The following KLHL2 variants were observed in gnomAD, a reference collection of about 807,000 sequenced individuals.
KLHL2 encodes the protein kelch like family member 2.
KLHL2 carries 15 observed loss-of-function variants against 75.8 expected under a neutral mutation model. That is an observed-to-expected ratio of 0.20 (90% CI 0.13 to 0.30). The LOEUF is 0.30. KLHL2 is among the 10% of genes least tolerant of loss of function. The pLI, the probability that KLHL2 is intolerant of heterozygous loss-of-function variation, is 1.00. For synonymous variants in KLHL2, 214 were observed against 251.9 expected (o/e 0.85, Z 1.42); for missense variants, 381 against 741.0 (o/e 0.51, Z 5.64).
At chr4:165,231,620 T>A (rs1342283796) in intron 3 of KLHL2, among the ~76,000 whole-genome samples, 2 of 152,236 alleles carry the variant, frequency 1.3e-5, no homozygotes, top group Non-Finnish European at 2.9e-5. Flanking sequence ...TAAATAGCAT[T>A]CTCTGTGGAT....
chr4:165,256,608 C>T (rs1172263914), intron 4 of KLHL2, among the ~76,000 whole-genome samples: 7 of 152,148 alleles, frequency 4.6e-5, no homozygotes, highest in African/African-American at 1.4e-4. Flanking sequence ...CCCCTTAACC[C>T]TTGTTATATT....
At chr4:165,314,393 A>T (rs559651148) in intron 13 of KLHL2, among the ~76,000 whole-genome samples, 1 of 152,060 alleles carries the variant, frequency 6.6e-6, no homozygotes. Flanking sequence ...ACTTCAGTAA[A>T]CTCATCATTT....
intron 5 of KLHL2, among the ~76,000 whole-genome samples, chr4:165,276,262 G>A (rs1456080166): frequency 1.3e-5 from 2 of 152,212 alleles, no homozygotes; most frequent in Non-Finnish European, 1.5e-5. Context: ...ACCCAGGCCT[G>A]TTCAGGCACC....
At chr4:165,271,102 T>A (rs1742657032) in intron 5 of KLHL2, among the ~76,000 whole-genome samples, 1 of 152,188 alleles carries the variant, frequency 6.6e-6, no homozygotes, top group South Asian at 2.1e-4. Flanking sequence ...AGATTTGTTC[T>A]TTTTGCTTAG....
intron 14 of KLHL2, among the ~76,000 whole-genome samples, chr4:165,320,140 TG>T (rs111911589): frequency 0.25 from 38,558 of 152,098 alleles, 5,541 homozygotes; most frequent in Non-Finnish European, 0.34. Context: ...AAGTTTTTAA[TG>T]CAGACAAATG....
At chr4:165,223,286 A>C (rs372909943) in intron 2 of KLHL2, among the ~76,000 whole-genome samples, 2 of 152,234 alleles carry the variant, frequency 1.3e-5, no homozygotes, top group East Asian at 3.8e-4. Context: ...ATGCCCTCTG[A>C]GTGTCTAGAG....
In KLHL2 at chr4:165,207,773, G is replaced by C; in HGVS notation, c.-104G>C. ...GAGAGCGCGGCGCCCCCTCCGGGGC[G>C]GATGGAACGCGGCTCGGCGGGCGGG... On this transcript the variant is annotated 5_prime_UTR_variant, in exon 1 of 15. Transcript: ENST00000226725. This position sits in a 1 kb window ranked among gnomAD's most constrained non-coding sequence, Gnocchi z 4.2. 1 of 1,050,864 alleles carries C rather than the reference G, an allele frequency of 9.5e-7. No homozygotes were observed. Among genetic ancestry groups the C allele is most frequent in the Non-Finnish European group, 1.3e-6 (1 of 769,212 alleles). 65.1% of individuals were successfully genotyped at this position (1,050,864 alleles called of 1,614,324 possible). A position where few individuals can be genotyped will look rare whatever the true frequency, so the allele number is the denominator to read the frequency against.
rs1747021868 is a variant in KLHL2, at chr4:165,322,012, C to G, written c.1754-20C>G. 1.2e-6 allele frequency: 2 copies of G among 1,612,480 alleles called. No homozygotes were observed. Among genetic ancestry groups the G allele is most frequent in the Non-Finnish European group, 8.5e-7 (1 of 1,178,700 alleles). Reference sequence around the variant, plus strand: ...GTGCTGCCTGTGACTTCTTTTTTCTCTCTTCATTTCTTTGCTCAGGGGTCA... The same window carrying G: ...GTGCTGCCTGTGACTTCTTTTTTCTGTCTTCATTTCTTTGCTCAGGGGTCA... On this transcript the variant is annotated intron_variant, in intron 14 of 14. Transcript: ENST00000226725.
intron 9 of KLHL2, among the ~76,000 whole-genome samples, chr4:165,309,425 T>C (rs977915613): frequency 2.0e-5 from 3 of 152,202 alleles, no homozygotes; most frequent in Non-Finnish European, 4.4e-5. Context: ...GGTTGAAACC[T>C]GAGTCTAGCA....
chr4:165,226,419 T>C (rs1365736099), intron 2 of KLHL2, among the ~76,000 whole-genome samples: 1 of 152,222 alleles, frequency 6.6e-6, no homozygotes, highest in Non-Finnish European at 1.5e-5. Context: ...GAACTCAGCT[T>C]AAGGCCAATA....
chr4:165,298,381 T>G (rs1745078927), intron 7 of KLHL2, among the ~76,000 whole-genome samples: 1 of 152,222 alleles, frequency 6.6e-6, no homozygotes, highest in African/African-American at 2.4e-5. Context: ...GTGGCATGCA[T>G]TTGATTTCTG....
intron 4 of KLHL2, among the ~76,000 whole-genome samples, chr4:165,258,410 A>C (rs1307211102): frequency 6.6e-6 from 1 of 151,334 alleles, no homozygotes; most frequent in East Asian, 1.9e-4. Context: ...AAAAAAAAAA[A>C]AAAGGATCAT....
chr4:165,213,925 A>G (rs1326932229), intron 1 of KLHL2, among the ~76,000 whole-genome samples: 3 of 152,220 alleles, frequency 2.0e-5, no homozygotes, highest in South Asian at 2.1e-4. Context: ...CCTAGTGCCT[A>G]TACAGCTCCC....
chr4:165,313,691 T>G (rs1460246271), intron 12 of KLHL2, among the ~76,000 whole-genome samples: 1 of 152,174 alleles, frequency 6.6e-6, no homozygotes, highest in Non-Finnish European at 1.5e-5. Flanking sequence ...TTCTTAAAAT[T>G]TTGTGCTTTA....
At chr4:165,218,749 C>T (rs1000597039) in intron 1 of KLHL2, among the ~76,000 whole-genome samples, 8 of 152,014 alleles carry the variant, frequency 5.3e-5, no homozygotes, top group African/African-American at 1.7e-4. Context: ...AATTAATGAA[C>T]GATAATGTTT....
chr4:165,295,516 T>C (rs1410431762), intron 6 of KLHL2, among the ~76,000 whole-genome samples: 1 of 152,174 alleles, frequency 6.6e-6, no homozygotes, highest in Non-Finnish European at 1.5e-5. Context: ...ATAGAATTTG[T>C]TACTCATAGA....
chr4:165,302,832 C>T (rs564166815), intron 8 of KLHL2, among the ~76,000 whole-genome samples: 1 of 152,224 alleles, frequency 6.6e-6, no homozygotes, highest in African/African-American at 2.4e-5. Context: ...ACGTACATTT[C>T]AGGATGATTA....
At chr4:165,255,184 G>A (rs1007202356) in intron 4 of KLHL2, among the ~76,000 whole-genome samples, 22 of 152,134 alleles carry the variant, frequency 1.4e-4, no homozygotes, top group Non-Finnish European at 2.9e-4. Context: ...GCCTGAGGCT[G>A]CTTTGCCCCC....
intron 3 of KLHL2, among the ~76,000 whole-genome samples, chr4:165,236,384 T>TTCTG (rs1485071428): frequency 6.6e-6 from 1 of 152,222 alleles, no homozygotes; most frequent in East Asian, 1.9e-4. Flanking sequence ...CTAGTTTTTT[T>TTCTG]TCTGTTTGTT....
Sources: gnomAD v4.1 joint callset for allele counts (sites outside exome capture counted in the v4.1 genomes callset) on GRCh38, gnomAD v4.1.1 for gene constraint, Gnocchi (gnomAD v3.1) non-coding constraint, MANE v1.5 for transcripts, NCBI Gene and HGNC (gene_info 2026-07-23, HGNC 2026-07-21) for gene names.